The following RAB37 variants were observed in gnomAD, a reference collection of about 807,000 sequenced individuals.
RAB37 encodes RAB37, member RAS oncogene family, also known as ras-related protein Rab-37.
Under a neutral mutation model 33.1 loss-of-function variants are expected in RAB37, and 29 were observed. That is an observed-to-expected ratio of 0.88 (90% confidence interval 0.65 to 1.20). The LOEUF is 1.20. Among genes scored for constraint, RAB37 ranks in the 50% most tolerant of loss-of-function variants. The pLI is 0.00. For missense variants in RAB37, 299 were observed against 301.1 expected (o/e 0.99, Z 0.05); for synonymous variants, 128 against 119.5 (o/e 1.07, Z -0.47).
chr17:74,690,032 G>A (rs2032130590), intron 1 of RAB37, among the ~76,000 whole-genome samples: 2 of 152,108 alleles, frequency 1.3e-5, no homozygotes, highest in South Asian at 4.1e-4. Context: ...GCTCACTGCA[G>A]CCTCAACTTC....
chr17:74,691,741 T>A (rs71375241), intron 1 of RAB37, among the ~76,000 whole-genome samples: 2,556 of 152,300 alleles, frequency 0.017, 60 homozygotes, highest in Admixed American at 0.062. Context: ...CTATCCAACA[T>A]AAGCATATAC....
In RAB37 at chr17:74,730,787, G is replaced by A. The variant is rs971658823; in HGVS notation, c.183+1421G>A. ...TCTGGTGAGGAAGGAAGAGAGTGGGGTGGATGTGGCTGTGGACATGCAAAG... is the reference window on the plus strand; with the variant it reads ...TCTGGTGAGGAAGGAAGAGAGTGGGATGGATGTGGCTGTGGACATGCAAAG... On this transcript the variant is annotated intron_variant, in intron 2 of 7. Coordinates refer to the RAB37 transcript ENST00000340415. This position sits in a 1 kb window ranked among gnomAD's most constrained non-coding sequence, Gnocchi z 4.4. Among the ~76,000 whole-genome samples the A allele has an allele frequency of 6.6e-6, 1 of 152,226 alleles. No homozygotes were observed. The highest frequency in any genetic ancestry group is 2.4e-5 in the African/African-American group (1 of 41,460).
upstream of RAB37, chr17:74,736,524 T>C (rs2034477103): frequency 6.9e-7 from 1 of 1,449,896 alleles, no homozygotes; most frequent in Admixed American, 2.5e-5. Context: ...AGGGTGAGTG[T>C]CATGGGTTAA....
At chr17:74,677,955 C>T (rs890496426) in intron 1 of RAB37, among the ~76,000 whole-genome samples, 1 of 152,160 alleles carries the variant, frequency 6.6e-6, no homozygotes, top group Non-Finnish European at 1.5e-5. Context: ...AATGTTTCCT[C>T]TTATAAGCTG....
intron 1 of RAB37, chr17:74,703,162 G>T: frequency 1.9e-6 from 3 of 1,601,310 alleles, no homozygotes. Context: ...GATGCTTGGT[G>T]TATAAACCAG....
intron 1 of RAB37, among the ~76,000 whole-genome samples, chr17:74,720,208 C>T (rs1210314936): frequency 1.3e-5 from 2 of 152,178 alleles, no homozygotes; most frequent in Non-Finnish European, 2.9e-5. Context: ...TGAGAGGGAG[C>T]ACACAGGCAA....
At chr17:74,714,762 A>C (rs866965273) in intron 1 of RAB37, among the ~76,000 whole-genome samples, 4 of 152,132 alleles carry the variant, frequency 2.6e-5, no homozygotes, top group Non-Finnish European at 4.4e-5. Flanking sequence ...AATCATGTCC[A>C]TCCCCCATCT....
At chr17:74,681,466 A>G (rs748354898) in intron 1 of RAB37, among the ~76,000 whole-genome samples, 4 of 152,226 alleles carry the variant, frequency 2.6e-5, no homozygotes, top group Non-Finnish European at 4.4e-5. Context: ...CAATTGTGGC[A>G]GAGTCCAACA....
chr17:74,714,396 AACACACACACAC>A (rs3046673), intron 1 of RAB37, among the ~76,000 whole-genome samples: 26 of 137,960 alleles, frequency 1.9e-4, no homozygotes, highest in African/African-American at 3.5e-4. Flanking sequence ...TGTCTCTTTA[AACACACACACAC>A]ACACACACAC....
At chr17:74,731,897 C>T (rs185719658) in intron 2 of RAB37, among the ~76,000 whole-genome samples, 9 of 152,194 alleles carry the variant, frequency 5.9e-5, no homozygotes, top group African/African-American at 2.2e-4. Flanking sequence ...GTAATCCCAG[C>T]TACTTGGGAG....
chr17:74,687,682 C>T (rs146813468), intron 1 of RAB37, among the ~76,000 whole-genome samples: 1 of 152,312 alleles, frequency 6.6e-6, no homozygotes, highest in South Asian at 2.1e-4. Flanking sequence ...AGCTCCACAG[C>T]TCTCATTAGT....
intron 1 of RAB37, among the ~76,000 whole-genome samples, chr17:74,707,646 C>T (rs534456514): frequency 7.3e-5 from 11 of 150,056 alleles, no homozygotes; most frequent in East Asian, 2.0e-4. Flanking sequence ...ACCTGGGAGG[C>T]GGAGGTTGCA....
intron 1 of RAB37, among the ~76,000 whole-genome samples, chr17:74,698,171 G>T (rs1001929045): frequency 6.6e-6 from 1 of 152,198 alleles, no homozygotes; most frequent in Non-Finnish European, 1.5e-5. Context: ...GGCAGGCGGC[G>T]AATGCCAAAA....
At chr17:74,681,684 C>G (rs990223021) in intron 1 of RAB37, among the ~76,000 whole-genome samples, 1 of 152,220 alleles carries the variant, frequency 6.6e-6, no homozygotes, top group African/African-American at 2.4e-5. Flanking sequence ...GAAACCAGGT[C>G]TCCTCCAGAC....
intron 1 of RAB37, among the ~76,000 whole-genome samples, chr17:74,703,351 A>G (rs2033234424): frequency 6.6e-6 from 1 of 151,996 alleles, no homozygotes; most frequent in Admixed American, 6.6e-5. Flanking sequence ...TCCAGGGAGG[A>G]CGCTGAGCTG....
chr17:74,695,776 C>A (rs761990181), intron 1 of RAB37: 26 of 1,614,166 alleles, frequency 1.6e-5, no homozygotes, highest in Non-Finnish European at 2.1e-5. Flanking sequence ...AGGAAAGCTT[C>A]GTGGTAGCCT....
chr17:74,736,492 T>G, upstream of RAB37: 2 of 1,399,058 alleles, frequency 1.4e-6, no homozygotes, highest in Non-Finnish European at 1.9e-6. Context: ...TTCATGAATT[T>G]ATTTGGCTCC....
intron 1 of RAB37, among the ~76,000 whole-genome samples, chr17:74,700,124 A>G (rs989697798): frequency 6.6e-6 from 1 of 151,696 alleles, no homozygotes; most frequent in Admixed American, 6.6e-5. Context: ...CCTGGTCGAC[A>G]GAGCAAGACC....
At chr17:74,726,914 C>T (rs1387069006) in intron 1 of RAB37, among the ~76,000 whole-genome samples, 1 of 152,252 alleles carries the variant, frequency 6.6e-6, no homozygotes, top group Non-Finnish European at 1.5e-5. Flanking sequence ...AGGCCACTGT[C>T]CACTTTACAC....
Sources: gnomAD v4.1 joint callset for allele counts (sites outside exome capture counted in the v4.1 genomes callset) on GRCh38, gnomAD v4.1.1 for gene constraint, Gnocchi (gnomAD v3.1) non-coding constraint, MANE v1.5 for transcripts, NCBI Gene and HGNC (gene_info 2026-07-23, HGNC 2026-07-21) for gene names.